Variants in DGKK observed in about 807,000 individuals in gnomAD.
DGKK encodes diacylglycerol kinase kappa.
In DGKK, 35 loss-of-function variants were observed where a neutral mutation model predicts 92.2. The observed-to-expected ratio is 0.38, with a 90% confidence interval of 0.29 to 0.50. The LOEUF (loss-of-function observed/expected upper bound fraction) is 0.50. Among genes scored for constraint, DGKK ranks in the 20% least tolerant of loss-of-function variants. The probability of loss-of-function intolerance (pLI) is 0.92; values close to 1 mark genes in which losing one functional copy is unlikely to be tolerated. For synonymous variants in DGKK, 368 were observed against 360.6 expected (o/e 1.02, Z -0.23); for missense variants, 910 against 992.2 (o/e 0.92, Z 1.11).
At chrX:50,403,719 T>TCCAAAA (rs782035810) in intron 5 of DGKK, 122 bp from the exon 6 acceptor site, 63 of 563,571 alleles carry the variant, frequency 1.1e-4, no homozygotes, top group African/African-American at 9.9e-4. Context: ...CTAATGCACC[T>TCCAAAA]CCAAAAACCT....
intron 1 of DGKK, among the ~76,000 whole-genome samples, chrX:50,467,966 T>C (rs1926951230): frequency 8.9e-6 from 1 of 112,203 alleles, no homozygotes; most frequent in Non-Finnish European, 1.9e-5. Context: ...AACCCCATTC[T>C]ACAGATAAGT....
At chrX:50,425,542 T>TACACAC (rs782565110) in intron 1 of DGKK, among the ~76,000 whole-genome samples, 1 of 104,291 alleles carries the variant, frequency 9.6e-6, no homozygotes, top group African/African-American at 3.6e-5. Context: ...CACACACACA[T>TACACAC]ACACACACAC....
chrX:50,420,282 A>G, intron 4 of DGKK, 121 bp downstream of exon 4: 1 of 601,537 alleles, frequency 1.7e-6, no homozygotes, highest in East Asian at 3.5e-5. Context: ...TCTGTCTATA[A>G]TTCCTAAACA....
At position 50,368,830 on chromosome X, in the gene DGKK, T is replaced by C. The variant is rs973050915; in HGVS notation, c.*110A>G. 1.1e-4 allele frequency: 64 copies of C among 605,069 alleles called. No homozygotes were observed. The East Asian group carries it at 2.2e-3, about 21-fold the overall frequency. The allele number at this position is 605,069 out of a possible 1,213,427, so 49.9% of individuals were successfully genotyped here. ...AGTGAAAAGAATTGGAGGGTCTTTC[T>C]TGGTGGTGCTCATGTTTGTTCTGAA... is the stretch of plus-strand genomic sequence containing the variant. On this transcript the variant is annotated 3_prime_UTR_variant, in exon 28 of 28. Transcript: ENST00000611977.
In DGKK at chrX:50,447,422, ATATATT is replaced by A. The variant is rs1926392310; in HGVS notation, c.645+22606_645+22611del. On this transcript the variant is annotated intron_variant, in intron 1 of 27. Transcript: ENST00000611977. ...ATATATATATATAATATATATATAT[ATATATT>A]ATATATATATTTCACAGAAGTTGAG... Among the ~76,000 whole-genome samples, 6 of 16,724 alleles carry A rather than the reference ATATATT, an allele frequency of 3.6e-4. 1 individual carries two copies. In the African/African-American group the frequency reaches 4.9e-3, roughly 14 times the overall value. The allele number at this position is 16,724 out of a possible 115,157, so 14.5% of individuals were successfully genotyped here.
intron 1 of DGKK, among the ~76,000 whole-genome samples, chrX:50,437,599 G>T (rs1926062627): frequency 9.0e-6 from 1 of 111,535 alleles, no homozygotes; most frequent in African/African-American, 3.3e-5. Context: ...TATCCAGAAG[G>T]GCTGACCATA....
chrX:50,394,560 C>CAACAT (rs1924791967), intron 8 of DGKK, among the ~76,000 whole-genome samples: 1 of 111,904 alleles, frequency 8.9e-6, no homozygotes, highest in South Asian at 3.7e-4. Context: ...GTACCCCTTC[C>CAACAT]AACATTTTTT....
chrX:50,393,925 G>A (rs1418458896), intron 8 of DGKK, among the ~76,000 whole-genome samples: 1 of 112,475 alleles, frequency 8.9e-6, no homozygotes, highest in African/African-American at 3.2e-5. Flanking sequence ...AGAGCAATCT[G>A]TGTTATCTCA....
At chrX:50,409,318 CA>C (rs112423212) in intron 4 of DGKK, among the ~76,000 whole-genome samples, 4,990 of 79,166 alleles carry the variant, frequency 0.063, 288 homozygotes, top group African/African-American at 0.19. Context: ...AGGAAGAAGC[CA>C]AAAAAAAAAA....
intron 15 of DGKK, 55 bp from the exon 16 acceptor site, chrX:50,384,879 G>A: frequency 3.0e-5 from 26 of 879,634 alleles, no homozygotes; most frequent in Non-Finnish European, 4.2e-5. Flanking sequence ...AAGGGAGGGA[G>A]GAAGAAAGGA....
At chrX:50,453,623 G>A (rs1557232629) in intron 1 of DGKK, among the ~76,000 whole-genome samples, 1 of 111,389 alleles carries the variant, frequency 9.0e-6, no homozygotes, top group Admixed American at 9.5e-5. Context: ...AACTGAGACT[G>A]AAAGATTCTC....
chrX:50,461,470 A>G (rs1926744890), intron 1 of DGKK, among the ~76,000 whole-genome samples: 1 of 112,304 alleles, frequency 8.9e-6, no homozygotes, highest in Non-Finnish European at 1.9e-5. Flanking sequence ...GATGATTTTT[A>G]TTTACTTTTT....
chrX:50,379,850 C>T, intron 19 of DGKK, 116 bp from the exon 20 acceptor site: 1 of 895,087 alleles, frequency 1.1e-6, no homozygotes, highest in Non-Finnish European at 1.6e-6. Flanking sequence ...AATCTATCTT[C>T]ATGCCTTCCT....
At chrX:50,434,416 G>C (rs1056569118) in intron 1 of DGKK, among the ~76,000 whole-genome samples, 3 of 111,652 alleles carry the variant, frequency 2.7e-5, no homozygotes, top group African/African-American at 9.8e-5. Context: ...AGCAGAGCTG[G>C]GGTTTGAACC....
In DGKK at chrX:50,470,669, C is replaced by G. The variant is rs889474354; in HGVS notation, c.10G>C (p.Gly4Arg). Residue 4 changes from glycine (G) to arginine (R), a missense_variant, in exon 1 of 28, where the codon GGA becomes CGA. Physicochemically the swap from Gly to Arg is moderately radical, Grantham distance 125 (BLOSUM62 -2). Transcript: ENST00000611977. MDR[G>R]AAAAQGTAPP... ...GCAGTGCCCTGGGCTGCGGCAGCTC[C>G]GCGGTCCATGGCCGCACACCGCTTC... The G allele has an allele frequency of 7.2e-6, 8 of 1,110,957 alleles. No homozygotes were observed. The highest frequency in any genetic ancestry group is 3.6e-5 in the African/African-American group (2 of 54,823). 91.6% of individuals were successfully genotyped at this position (1,110,957 alleles called of 1,213,427 possible). A position where few individuals can be genotyped will look rare whatever the true frequency, so the allele number is the denominator to read the frequency against.
At chrX:50,372,593 G>A (rs1924168897) in intron 25 of DGKK, among the ~76,000 whole-genome samples, 2 of 111,998 alleles carry the variant, frequency 1.8e-5, no homozygotes, top group African/African-American at 6.5e-5. Flanking sequence ...TAAGAAATGA[G>A]TTCTAGATGG....
At chrX:50,425,984 C>T (rs995445771) in intron 1 of DGKK, among the ~76,000 whole-genome samples, 1 of 111,579 alleles carries the variant, frequency 9.0e-6, no homozygotes, top group Admixed American at 9.5e-5. Context: ...TATCCATATA[C>T]TTCTCCATAC....
In DGKK at chrX:50,403,132, C is replaced by T; in HGVS notation, c.1237G>A (p.Ala413Thr). 2 of 1,207,047 alleles carry T rather than the reference C, an allele frequency of 1.7e-6. No individual in the cohort carries two copies. Among genetic ancestry groups the T allele is most frequent in the Non-Finnish European group, 2.2e-6 (2 of 892,913 alleles). ...EGNMPVSSQCAVCHESCGSYQ... is the reference protein window; with the variant it reads ...EGNMPVSSQCTVCHESCGSYQ... ...CTGCCACAGCTCTCATGACACACTG[C>T]ACACTGAGAGCTGACAGGCATGTTT... Residue 413 changes from alanine to threonine, a missense_variant, in exon 7 of 28, where the codon GCA (alanine) becomes ACA (threonine). Coordinates refer to ENST00000611977, the MANE Select transcript of DGKK (RefSeq NM_001013742.4).
intron 1 of DGKK, among the ~76,000 whole-genome samples, chrX:50,441,402 C>T (rs1172483336): frequency 9.1e-5 from 10 of 110,483 alleles, no homozygotes; most frequent in African/African-American, 3.0e-4. Flanking sequence ...GGTGGGTACA[C>T]GAATATTTGG....
Sources: gnomAD v4.1 joint callset for allele counts (sites outside exome capture counted in the v4.1 genomes callset) on GRCh38, gnomAD v4.1.1 for gene constraint, MANE v1.5 for transcripts, NCBI Gene and HGNC (gene_info 2026-07-23, HGNC 2026-07-21) for gene names.